GPHN: variants seen among roughly 807,000 people sequenced by gnomAD.
The protein encoded by GPHN is gephyrin.
In GPHN, 17 loss-of-function variants were observed where a neutral mutation model predicts 95.5. The observed-to-expected ratio is 0.18, with a 90% confidence interval of 0.12 to 0.27. The LOEUF is 0.27. Ranked by LOEUF, GPHN falls within the 10% of genes least tolerant of loss-of-function variation. GPHN has a pLI of 1.00. For missense variants in GPHN, 660 were observed against 978.1 expected, an observed-to-expected ratio of 0.67 and a Z score of 4.34; for synonymous variants, 320 against 322.5, an observed-to-expected ratio of 0.99 and a Z score of 0.08.
the GPHN span, among the ~76,000 whole-genome samples, chr14:67,222,259 T>A: frequency 6.6e-6 from 1 of 152,200 alleles, no homozygotes; most frequent in Non-Finnish European, 1.5e-5. Flanking sequence ...CTTTAGCCTC[T>A]ACCAGGTGAT....
intron 2 of GPHN, among the ~76,000 whole-genome samples, chr14:66,754,012 A>G: frequency 6.6e-6 from 1 of 152,074 alleles, no homozygotes; most frequent in Admixed American, 6.6e-5. Context: ...GCATTTTTTA[A>G]GGTGCTTCTA....
chr14:67,116,296 AAAGAAAG>A (rs2078690002), intron 16 of GPHN, among the ~76,000 whole-genome samples: 2 of 150,628 alleles, frequency 1.3e-5, no homozygotes, highest in African/African-American at 4.9e-5. Context: ...AAGAAAAGAA[AAAGAAAG>A]AAAGAAAGAA....
intron 1 of GPHN, among the ~76,000 whole-genome samples, chr14:66,552,279 T>A (rs1157430218): frequency 6.6e-6 from 1 of 152,236 alleles, no homozygotes; most frequent in Non-Finnish European, 1.5e-5. Flanking sequence ...TCCCATCTCA[T>A]TTTCTAACTC....
chr14:67,634,530 G>A, the GPHN span, among the ~76,000 whole-genome samples: 1 of 150,782 alleles, frequency 6.6e-6, no homozygotes, highest in East Asian at 1.9e-4. Context: ...GGAGATGGAG[G>A]CTGCAGTGAG....
chr14:66,961,884 T>G, intron 8 of GPHN, among the ~76,000 whole-genome samples: 1 of 120,144 alleles, frequency 8.3e-6, no homozygotes, highest in African/African-American at 2.8e-5. Flanking sequence ...TAACCAACCA[T>G]TCTATCCCTG....
the GPHN span, among the ~76,000 whole-genome samples, chr14:67,396,186 C>T: frequency 2.2e-5 from 3 of 134,266 alleles, no homozygotes; most frequent in African/African-American, 6.6e-5. Flanking sequence ...CTTGCTCTGT[C>T]GCCCAGGCTG....
At chr14:66,536,284 C>T (rs1170035224) in intron 1 of GPHN, among the ~76,000 whole-genome samples, 1 of 152,062 alleles carries the variant, frequency 6.6e-6, no homozygotes, top group Non-Finnish European at 1.5e-5. Flanking sequence ...AGGTGGTAAA[C>T]TTTGTCAAAT....
At chr14:67,097,206 C>G (rs868562460) in intron 12 of GPHN, among the ~76,000 whole-genome samples, 1 of 152,130 alleles carries the variant, frequency 6.6e-6, no homozygotes, top group Non-Finnish European at 1.5e-5. Context: ...GCACGCAACT[C>G]TTGAGGGGAG....
chr14:67,697,533 A>T, the GPHN span, among the ~76,000 whole-genome samples: 4 of 152,192 alleles, frequency 2.6e-5, no homozygotes, highest in African/African-American at 9.7e-5. Context: ...TGTCCCAATG[A>T]TTTATATATA....
the GPHN span, chr14:67,412,144 G>T: frequency 8.4e-7 from 1 of 1,185,718 alleles, no homozygotes; most frequent in South Asian, 1.9e-5. Flanking sequence ...CGCGCAGTCC[G>T]CGCCCACGGC....
At chr14:67,573,930 G>A in the GPHN span, 1 of 1,436,278 alleles carries the variant, frequency 7.0e-7, no homozygotes, top group Non-Finnish European at 9.8e-7. This position sits in a 1 kb window ranked among gnomAD's most constrained non-coding sequence, Gnocchi z 4.8. Flanking sequence ...CAGAAGAGGT[G>A]CTGGGTTTGG....
chr14:67,221,715 G>C, the GPHN span: 18 of 1,592,246 alleles, frequency 1.1e-5, no homozygotes, highest in Non-Finnish European at 1.5e-5. Flanking sequence ...ATATCTAGTA[G>C]ATCTTTTCTA....
At chr14:67,291,976 G>A in the GPHN span, among the ~76,000 whole-genome samples, 1 of 152,134 alleles carries the variant, frequency 6.6e-6, no homozygotes, top group African/African-American at 2.4e-5. Flanking sequence ...AAATTTATAT[G>A]TAGCACTGAT....
chr14:66,532,462 A>G (rs961204084), intron 1 of GPHN, among the ~76,000 whole-genome samples: 2 of 152,176 alleles, frequency 1.3e-5, no homozygotes, highest in Non-Finnish European at 2.9e-5. Context: ...TCACAGCATC[A>G]CTTCTGCCAT....
At chr14:67,621,009 A>G in the GPHN span, 1 of 1,569,096 alleles carries the variant, frequency 6.4e-7, no homozygotes, top group South Asian at 1.1e-5. Flanking sequence ...GACTAGTAAT[A>G]GACCACTTCA....
chr14:67,624,677 A>T, the GPHN span, among the ~76,000 whole-genome samples: 2 of 152,188 alleles, frequency 1.3e-5, no homozygotes, highest in Non-Finnish European at 2.9e-5. Flanking sequence ...ACCAGGCCAG[A>T]CCTCCAACAT....
chr14:67,660,103 G>C, the GPHN span: 1 of 601,156 alleles, frequency 1.7e-6, no homozygotes, highest in Non-Finnish European at 2.8e-6. Flanking sequence ...GCCTTGCATA[G>C]TGCCCAGCAA....
intron 5 of GPHN, among the ~76,000 whole-genome samples, chr14:66,892,702 T>C (rs1490843622): frequency 9.9e-5 from 15 of 152,162 alleles, no homozygotes; most frequent in Admixed American, 7.2e-4. Context: ...ACATGAAGTA[T>C]CTAGAATAAC....
chr14:67,224,637 A>G, the GPHN span: 1 of 293,958 alleles, frequency 3.4e-6, no homozygotes. Context: ...TTTTTTTTTT[A>G]CAGTGAGCCC....
Sources: allele counts gnomAD v4.1 joint callset (sites outside exome capture counted in the v4.1 genomes callset), GRCh38; gene constraint gnomAD v4.1.1; non-coding constraint Gnocchi (gnomAD v3.1); transcripts MANE v1.5; gene names NCBI Gene and HGNC (gene_info 2026-07-23, HGNC 2026-07-21).